Variants in SRSF9 observed in about 807,000 individuals in gnomAD.
The protein encoded by SRSF9 is serine and arginine rich splicing factor 9.
Under a neutral mutation model 25.9 loss-of-function variants are expected in SRSF9, and 3 were observed. The observed-to-expected ratio is 0.12, with a 90% CI of 0.05 to 0.30. The LOEUF (loss-of-function observed/expected upper bound fraction) is 0.30. SRSF9 is among the 10% of genes least tolerant of loss of function. The pLI, the probability that SRSF9 is intolerant of heterozygous loss-of-function variation, is 1.00. For missense variants in SRSF9, 161 were observed against 303.5 expected (o/e 0.53, Z 3.49); for synonymous variants, 114 against 113.2 (o/e 1.01, Z -0.05).
chr12:120,465,396 A>G (rs1265098263), intron 2 of SRSF9: 6 of 374,858 alleles, frequency 1.6e-5, no homozygotes, highest in African/African-American at 2.1e-5. Flanking sequence ...CCACTAGAAA[A>G]CTCCTTTACA....
intron 1 of SRSF9, 28 bp downstream of exon 1, chr12:120,469,394 G>A (rs2075916367): frequency 6.5e-7 from 1 of 1,547,270 alleles, no homozygotes; most frequent in Non-Finnish European, 8.7e-7. Flanking sequence ...GCACCGAGGA[G>A]GAGAGGGCAG....
rs1878596165 is a variant in SRSF9 at position 120,469,736 on chromosome 12, C to G, written c.-127G>C. 1 of 533,292 alleles carries G rather than the reference C, an allele frequency of 1.9e-6. No homozygotes were observed. 33.0% of individuals were successfully genotyped at this position (533,292 alleles called of 1,614,324 possible). Reference sequence around the variant, plus strand: ...CGCACTGCATTGTGGGAACGCGGAGCGGAAGCGAAGGGGTCGGCGGAGGCA... The same window carrying G: ...CGCACTGCATTGTGGGAACGCGGAGGGGAAGCGAAGGGGTCGGCGGAGGCA... On this transcript the variant is annotated 5_prime_UTR_variant, in exon 1 of 4. Coordinates refer to ENST00000229390, the MANE Select transcript of SRSF9 (RefSeq NM_003769.3).
chr12:120,469,402 C>G lies in SRSF9; in HGVS notation c.188+20G>C. On this transcript the variant is annotated intron_variant, in intron 1 of 3. Transcript: ENST00000229390. Reference sequence around the variant, plus strand: ...GCCTCAGGCACCGAGGAGGAGAGGGCAGGGGCGCGGGGGCCTCACCGGGGG... The same window carrying G: ...GCCTCAGGCACCGAGGAGGAGAGGGGAGGGGCGCGGGGGCCTCACCGGGGG... 6.4e-7 allele frequency: 1 copy of G among 1,554,816 alleles called. No homozygotes were observed. Among genetic ancestry groups the G allele is most frequent in the Non-Finnish European group, 8.7e-7 (1 of 1,150,740 alleles).
At chr12:120,464,416 CT>C in intron 2 of SRSF9, 1 of 255,362 alleles carries the variant, frequency 3.9e-6, no homozygotes, top group Non-Finnish European at 7.4e-6. Flanking sequence ...TAGCCTCTTT[CT>C]TTGTCCTTTA....
In SRSF9 at chr12:120,466,474, AAAAT is replaced by A. The variant is rs757252288; in HGVS notation, c.189-691_189-688del. Among the ~76,000 whole-genome samples, 18 of 152,348 alleles carry A rather than the reference AAAAT, an allele frequency of 1.2e-4. No homozygotes were observed. In the East Asian group the frequency reaches 1.3e-3, roughly 11 times the overall value. Reference sequence around the variant, plus strand: ...ATATAGTGAGACCCGGTCTTTTAAAAAAATAAATAAATAAGGCTCAAAGGACAAA... The same window carrying A: ...ATATAGTGAGACCCGGTCTTTTAAAAAAATAAATAAGGCTCAAAGGACAAA... On this transcript the variant is annotated intron_variant, in intron 1 of 3. Coordinates refer to ENST00000229390, the MANE Select transcript of SRSF9 (RefSeq NM_003769.3).
At chr12:120,466,822 A>G (rs1220270021) in intron 1 of SRSF9, among the ~76,000 whole-genome samples, 1 of 152,244 alleles carries the variant, frequency 6.6e-6, no homozygotes, top group Non-Finnish European at 1.5e-5. Flanking sequence ...GGCATAAGCC[A>G]CTGCGCCTGG....
At position 120,465,776 on chromosome 12, in the gene SRSF9, T is replaced by A; in HGVS notation, c.200A>T (p.Asp67Val). Residue 67 changes from aspartate to valine, a missense_variant, in exon 2 of 4, where the codon GAT (aspartate) becomes GTT (valine). Asp to Val is a radical substitution (Grantham distance 152, BLOSUM62 -3). Transcript: ENST00000229390. ...VRFEDPRDAE[D>V]AIYGRNGYDY... ...ATAACCATTTCTTCCATAAATAGCA[T>A]CCTCTGCATCTCTAAAAAAAACAAC... 6.3e-7 allele frequency: 1 copy of A among 1,576,454 alleles called. No homozygotes were observed. The highest frequency in any genetic ancestry group is 2.0e-5 in the Admixed American group (1 of 48,948).
rs753306712 is a variant in SRSF9 at position 120,469,513 on chromosome 12, G to A, written c.97C>T (p.Leu33=). The part of the protein sequence containing the change: ...TDVREKDLED[L]FYKYGRIREI... Reference sequence around the variant, plus strand: ...CGGATGCGGCCGTACTTGTAGAACAGGTCCTCCAAGTCCTTCTCGCGCACG... The same window carrying A: ...CGGATGCGGCCGTACTTGTAGAACAAGTCCTCCAAGTCCTTCTCGCGCACG... Residue 33 remains leucine, a synonymous_variant, in exon 1 of 4, where the codon CTG becomes TTG. Transcript: ENST00000229390. The A allele has an allele frequency of 9.4e-6, 15 of 1,600,122 alleles. No individual in the cohort carries two copies. Among genetic ancestry groups the A allele is most frequent in the South Asian group, 5.6e-5 (5 of 89,234 alleles).
chr12:120,468,606 A>G (rs1878544090), intron 1 of SRSF9, among the ~76,000 whole-genome samples: 1 of 152,220 alleles, frequency 6.6e-6, no homozygotes, highest in Non-Finnish European at 1.5e-5. Context: ...TGATGCTAGG[A>G]AAACAGGGTG....
chr12:120,465,996 G>A (rs1034487861), intron 1 of SRSF9, among the ~76,000 whole-genome samples: 1 of 152,090 alleles, frequency 6.6e-6, no homozygotes, highest in African/African-American at 2.4e-5. Context: ...GCTGTCACAC[G>A]CAGTTTTAGA....
chr12:120,462,264 T>G lies in SRSF9; in HGVS notation c.523-102A>C, dbSNP rs900825327. 7.9e-6 allele frequency: 10 copies of G among 1,266,970 alleles called. No individual in the cohort carries two copies. The African/African-American group carries it at 1.5e-4, about 19-fold the overall frequency. 78.5% of individuals were successfully genotyped at this position (1,266,970 alleles called of 1,614,324 possible). A position where few individuals can be genotyped will look rare whatever the true frequency, so the allele number is the denominator to read the frequency against. Reference sequence around the variant, plus strand: ...CAATAATAGTTAAGTATTGAGCACTTACTGTGTACTCTGTGCCTGGCATGA... The same window carrying G: ...CAATAATAGTTAAGTATTGAGCACTGACTGTGTACTCTGTGCCTGGCATGA... On this transcript the variant is annotated intron_variant, in intron 3 of 3. Coordinates refer to ENST00000229390, the MANE Select transcript of SRSF9 (RefSeq NM_003769.3).
chr12:120,462,210 G>A (rs763535413), intron 3 of SRSF9, 48 bp from the exon 4 acceptor site: 7 of 1,558,130 alleles, frequency 4.5e-6, no homozygotes, highest in Non-Finnish European at 4.4e-6. Flanking sequence ...AAAAATCAGA[G>A]CCAGAAGAAT....
intron 1 of SRSF9, among the ~76,000 whole-genome samples, chr12:120,468,698 C>G (rs1286122865): frequency 6.6e-6 from 1 of 152,220 alleles, no homozygotes; most frequent in Non-Finnish European, 1.5e-5. Flanking sequence ...TTGAAAGTTC[C>G]TGGGCTTTTT....
At chr12:120,469,389 G>A (rs1878580194) in intron 1 of SRSF9, 33 bp downstream of exon 1, 3 of 1,538,154 alleles carry the variant, frequency 2.0e-6, no homozygotes, top group South Asian at 2.4e-5. Context: ...CTCAGGCACC[G>A]AGGAGGAGAG....
chr12:120,462,272 A>C, intron 3 of SRSF9, 110 bp from the exon 4 acceptor site: 1 of 1,184,702 alleles, frequency 8.4e-7, no homozygotes, highest in Non-Finnish European at 1.2e-6. Flanking sequence ...CTTACTGTGT[A>C]CTCTGTGCCT....
chr12:120,466,106 TA>T (rs1357955165), intron 1 of SRSF9, among the ~76,000 whole-genome samples: 2 of 152,206 alleles, frequency 1.3e-5, no homozygotes, highest in Non-Finnish European at 2.9e-5. Context: ...ATTTTGCCAA[TA>T]AACCATCAGT....
At chr12:120,466,495 A>G (rs1878485041) in intron 1 of SRSF9, among the ~76,000 whole-genome samples, 1 of 152,218 alleles carries the variant, frequency 6.6e-6, no homozygotes, top group Admixed American at 6.5e-5. Context: ...ATAAGGCTCA[A>G]AGGACAAAAG....
chr12:120,469,414 G>C lies in SRSF9; in HGVS notation c.188+8C>G. 1 of 1,576,112 alleles carries C rather than the reference G, an allele frequency of 6.3e-7. No homozygotes were observed. The highest frequency in any genetic ancestry group is 8.6e-7 in the Non-Finnish European group (1 of 1,162,290). The stretch of plus-strand genomic sequence containing the variant: ...GAGGAGGAGAGGGCAGGGGCGCGGG[G>C]GCCTCACCGGGGGTCCTCGAAGCGC... On this transcript the variant is annotated splice_region_variant and intron_variant, in intron 1 of 3. Transcript: ENST00000229390.
intron 2 of SRSF9, chr12:120,464,356 A>G (rs1282743693): frequency 2.3e-6 from 1 of 426,770 alleles, no homozygotes; most frequent in Non-Finnish European, 4.1e-6. Flanking sequence ...GGCCTTTTCA[A>G]CAGAGCAAGA....
Sources: allele counts gnomAD v4.1 joint callset (sites outside exome capture counted in the v4.1 genomes callset), GRCh38; gene constraint gnomAD v4.1.1; transcripts MANE v1.5; gene names NCBI Gene and HGNC (gene_info 2026-07-23, HGNC 2026-07-21).